Variants in LAMA2 observed in about 807,000 individuals in gnomAD.
LAMA2 encodes the protein laminin subunit alpha 2, also known as laminin subunit alpha-2.
In LAMA2, 269 loss-of-function variants were observed where a neutral mutation model predicts 364.8. The observed-to-expected ratio is 0.74, with a 90% CI of 0.67 to 0.82. The LOEUF (loss-of-function observed/expected upper bound fraction) is 0.82. Ranked by LOEUF, LAMA2 falls within the 40% of genes least tolerant of loss-of-function variation. LAMA2 has a pLI of 0.00. For synonymous variants in LAMA2, 1,379 were observed against 1,370.6 expected, an observed-to-expected ratio of 1.01 and a Z score of -0.14; for missense variants, 3,807 against 3,873.2, an observed-to-expected ratio of 0.98 and a Z score of 0.45.
chr6:129,287,568 A>G (rs1465041702), intron 18 of LAMA2, among the ~76,000 whole-genome samples: 2 of 152,188 alleles, frequency 1.3e-5, no homozygotes, highest in Admixed American at 6.5e-5. Context: ...GAGTGCCAGC[A>G]GCAGATTCTT....
chr6:129,514,686 T>A, intron 64 of LAMA2, 91 bp downstream of exon 64: 1 of 997,112 alleles, frequency 1.0e-6, no homozygotes, highest in Non-Finnish European at 1.6e-6. Context: ...TAAGAATGTG[T>A]GCTTATGTGT....
chr6:129,270,803 A>G (rs756205709), intron 17 of LAMA2, 52 bp downstream of exon 17: 4 of 1,580,278 alleles, frequency 2.5e-6, no homozygotes, highest in East Asian at 4.5e-5. Flanking sequence ...TTCTGCAAGT[A>G]CACTTTTCAT....
chr6:128,926,471 C>T lies in LAMA2; in HGVS notation c.112+43114C>T, dbSNP rs1465555887. 2.0e-5 allele frequency among the ~76,000 whole-genome samples: 3 copies of T among 152,054 alleles called. No homozygotes were observed. The East Asian group carries it at 5.8e-4, about 29-fold the overall frequency. On this transcript the variant is annotated intron_variant, in intron 1 of 64. Transcript: ENST00000421865. Reference sequence around the variant, plus strand: ...TTGTTCTCAATATTTAAAGTGAACCCAAGATGAAGAGTTGGAAAGGAAATT... The same window carrying T: ...TTGTTCTCAATATTTAAAGTGAACCTAAGATGAAGAGTTGGAAAGGAAATT...
At chr6:129,075,803 G>C (rs1201690949) in intron 3 of LAMA2, among the ~76,000 whole-genome samples, 3 of 152,034 alleles carry the variant, frequency 2.0e-5, no homozygotes, top group Non-Finnish European at 4.4e-5. Flanking sequence ...AAGCATTCGA[G>C]TGGTGCCAGG....
chr6:129,150,483 G>A (rs1778724918), intron 7 of LAMA2, among the ~76,000 whole-genome samples: 1 of 152,168 alleles, frequency 6.6e-6, no homozygotes, highest in Non-Finnish European at 1.5e-5. Context: ...TGATAATTGT[G>A]TAATGTTAAG....
chr6:129,240,515 A>G (rs774613255), intron 12 of LAMA2, among the ~76,000 whole-genome samples: 1 of 152,070 alleles, frequency 6.6e-6, no homozygotes, highest in Non-Finnish European at 1.5e-5. Flanking sequence ...AAATACTCCC[A>G]TTACCTTTCC....
intron 1 of LAMA2, chr6:128,929,580 G>A: frequency 1.7e-6 from 2 of 1,189,316 alleles, no homozygotes; most frequent in South Asian, 2.4e-5. Flanking sequence ...TGATCCTGCA[G>A]TTCTGGAGCC....
In LAMA2 at chr6:129,004,476, A is replaced by C. The variant is rs562550498; in HGVS notation, c.113-45442A>C. On this transcript the variant is annotated intron_variant, in intron 1 of 64. Transcript: ENST00000421865. Reference sequence around the variant, plus strand: ...CATTTTCCTTAAAATAAAATCATATATCACTACTTACTGACTTGCACCTAT... The same window carrying C: ...CATTTTCCTTAAAATAAAATCATATCTCACTACTTACTGACTTGCACCTAT... Among the ~76,000 whole-genome samples, 23 of 151,988 alleles carry C rather than the reference A, an allele frequency of 1.5e-4. No homozygotes were observed. The South Asian group carries it at 4.8e-3, about 32-fold the overall frequency.
intron 1 of LAMA2, among the ~76,000 whole-genome samples, chr6:129,014,534 G>A (rs911717467): frequency 6.6e-6 from 1 of 151,988 alleles, no homozygotes; most frequent in Admixed American, 6.6e-5. Context: ...CCTTCGGATG[G>A]CCCTTAGATG....
intron 29 of LAMA2, among the ~76,000 whole-genome samples, chr6:129,340,474 T>C (rs574094476): frequency 6.6e-6 from 1 of 152,194 alleles, no homozygotes; most frequent in South Asian, 2.1e-4. Context: ...TGGAAAATAA[T>C]GTGGCAATAT....
At chr6:128,898,199 C>A (rs112189918) in intron 1 of LAMA2, among the ~76,000 whole-genome samples, 2 of 152,226 alleles carry the variant, frequency 1.3e-5, no homozygotes, top group Middle Eastern at 3.4e-3. Flanking sequence ...GGCTTGTTGG[C>A]CACAGTTTTA....
chr6:128,998,473 T>G lies in LAMA2; in HGVS notation c.113-51445T>G, dbSNP rs1316287276. Among the ~76,000 whole-genome samples the G allele has an allele frequency of 2.7e-5, 2 of 73,166 alleles. 1 individual carries two copies. Among genetic ancestry groups the G allele is most frequent in the Non-Finnish European group, 5.2e-5 (2 of 38,152 alleles). The allele number at this position is 73,166 out of a possible 152,430, so 48.0% of individuals were successfully genotyped here. On this transcript the variant is annotated intron_variant, in intron 1 of 64. Coordinates refer to ENST00000421865, the MANE Select transcript of LAMA2 (RefSeq NM_000426.4). The stretch of plus-strand genomic sequence containing the variant: ...CGCAGAAGACGGTGATTTCTGCATT[T>G]CCATCTGAGGTACCGGGTTCATCTC...
intron 1 of LAMA2, among the ~76,000 whole-genome samples, chr6:128,931,475 C>A (rs1393372128): frequency 6.6e-6 from 1 of 151,938 alleles, no homozygotes; most frequent in Admixed American, 6.6e-5. Context: ...TTAAAACTAC[C>A]GTTTTTTTCT....
At chr6:129,285,833 A>T (rs539434014) in intron 18 of LAMA2, among the ~76,000 whole-genome samples, 81 of 152,240 alleles carry the variant, frequency 5.3e-4, no homozygotes, top group African/African-American at 1.8e-3. Context: ...TACAGAATTA[A>T]CAAACAATTA....
intron 12 of LAMA2, among the ~76,000 whole-genome samples, chr6:129,198,818 GA>G (rs971890893): frequency 1.1e-4 from 17 of 151,176 alleles, no homozygotes; most frequent in Admixed American, 2.0e-4. Flanking sequence ...CTGACTCAAA[GA>G]AAAAAAATCT....
intron 4 of LAMA2, among the ~76,000 whole-genome samples, chr6:129,128,319 T>A (rs1181592444): frequency 1.3e-5 from 2 of 152,220 alleles, no homozygotes; most frequent in Non-Finnish European, 2.9e-5. Context: ...CATGCATAAG[T>A]TGATTTCTGG....
intron 4 of LAMA2, among the ~76,000 whole-genome samples, chr6:129,124,122 T>G (rs1036705214): frequency 2.0e-5 from 3 of 152,184 alleles, no homozygotes; most frequent in Admixed American, 1.3e-4. Flanking sequence ...ACTGAAAGCC[T>G]TCTAACTTGT....
intron 1 of LAMA2, among the ~76,000 whole-genome samples, chr6:129,039,115 C>T (rs1786893310): frequency 6.6e-6 from 1 of 151,950 alleles, no homozygotes; most frequent in African/African-American, 2.4e-5. Context: ...GACTTGAGAG[C>T]CACCGTAAAA....
chr6:129,014,911 A>G (rs1048997737), intron 1 of LAMA2, among the ~76,000 whole-genome samples: 4 of 152,054 alleles, frequency 2.6e-5, no homozygotes, highest in African/African-American at 7.2e-5. Context: ...ATTAGACTCT[A>G]ATCAATAATG....
Sources: allele counts gnomAD v4.1 joint callset (sites outside exome capture counted in the v4.1 genomes callset), GRCh38; gene constraint gnomAD v4.1.1; transcripts MANE v1.5; gene names NCBI Gene and HGNC (gene_info 2026-07-23, HGNC 2026-07-21).